NCAPG2: variants seen among roughly 807,000 people sequenced by gnomAD.
NCAPG2 encodes the protein non-SMC condensin II complex subunit G2.
In NCAPG2, 53 loss-of-function variants were observed where a neutral mutation model predicts 141.1. That is an observed-to-expected ratio of 0.38 (90% CI 0.30 to 0.47). The LOEUF (loss-of-function observed/expected upper bound fraction) is 0.47. Ranked by LOEUF, NCAPG2 falls within the 20% of genes least tolerant of loss-of-function variation. NCAPG2 has a pLI of 0.99. For synonymous variants in NCAPG2, 499 were observed against 490.7 expected (o/e 1.02, Z -0.22); for missense variants, 1,087 against 1,389.0 (o/e 0.78, Z 3.46).
intron 4 of NCAPG2, among the ~76,000 whole-genome samples, chr7:158,692,203 A>C (rs1416510597): frequency 6.6e-6 from 1 of 152,214 alleles, no homozygotes; most frequent in East Asian, 1.9e-4. Context: ...GCTACTAAGG[A>C]GGCTGAGGTG....
At chr7:158,653,259 G>A (rs575053251) in intron 22 of NCAPG2, among the ~76,000 whole-genome samples, 1 of 151,652 alleles carries the variant, frequency 6.6e-6, no homozygotes, top group Non-Finnish European at 1.5e-5. Context: ...TACTCAGGAG[G>A]CTGAGGCATG....
At chr7:158,637,577 T>TTTCCAGCTCTGGCCCACCCCATCCGAG (rs1830367684) in intron 27 of NCAPG2, among the ~76,000 whole-genome samples, 15 of 5,832 alleles carry the variant, frequency 2.6e-3, no homozygotes, top group East Asian at 0.018. Flanking sequence ...CAGCTCCGGC[T>TTTCCAGCTCTGGCCCACCCCATCCGAG]CCAGCAGCTC....
At chr7:158,644,126 G>GTT (rs1305292136) in intron 27 of NCAPG2, among the ~76,000 whole-genome samples, 163 bp downstream of exon 27, 4 of 152,218 alleles carry the variant, frequency 2.6e-5, no homozygotes, top group Non-Finnish European at 4.4e-5. Flanking sequence ...TAAATTAAAC[G>GTT]TAAGCTAAAG....
At chr7:158,650,712 A>T in intron 24 of NCAPG2, 120 bp downstream of exon 24, 1 of 1,302,438 alleles carries the variant, frequency 7.7e-7, no homozygotes, top group Non-Finnish European at 1.0e-6. Context: ...TGCACCACTC[A>T]CTCAAGTTTG....
At chr7:158,659,598 G>A (rs1236383051) in intron 16 of NCAPG2, among the ~76,000 whole-genome samples, 1 of 152,076 alleles carries the variant, frequency 6.6e-6, no homozygotes, top group Non-Finnish European at 1.5e-5. Flanking sequence ...AAAACAATAA[G>A]TAAAAGGGGG....
intron 10 of NCAPG2, 32 bp from the exon 11 acceptor site, chr7:158,680,117 C>A (rs1469115347): frequency 6.2e-7 from 1 of 1,605,206 alleles, no homozygotes; most frequent in Non-Finnish European, 8.5e-7. Context: ...ATCTCAGAAT[C>A]CCAAAGAGTT....
At chr7:158,649,474 T>G (rs1405188513) in intron 24 of NCAPG2, among the ~76,000 whole-genome samples, 2 of 152,236 alleles carry the variant, frequency 1.3e-5, no homozygotes, top group Non-Finnish European at 2.9e-5. Context: ...AATAAGACTT[T>G]ACTGATAAAA....
At chr7:158,639,532 T>C (rs568771757) in intron 27 of NCAPG2, among the ~76,000 whole-genome samples, 142 of 152,358 alleles carry the variant, frequency 9.3e-4, no homozygotes, top group African/African-American at 3.2e-3. Flanking sequence ...ACAAGCCATT[T>C]TGTTAATAAA....
chr7:158,683,362 C>G lies in NCAPG2; in HGVS notation c.862G>C (p.Asp288His). The G allele has an allele frequency of 6.2e-7, 1 of 1,605,628 alleles. No individual in the cohort carries two copies. Among genetic ancestry groups the G allele is most frequent in the Non-Finnish European group, 8.5e-7 (1 of 1,176,704 alleles). Residue 288 changes from aspartate to histidine, a missense_variant, in exon 9 of 28, where the codon GAC becomes CAC. By Grantham distance (81) the Asp-to-His change is moderately conservative. Transcript: ENST00000356309. ...LEAIENDCIQ[D>H]FMFHGIHLPR... ...AGGTGTATCCCGTGGAACATGAAGTCCTGGATGCAATCATTTTCAATCGCC... is the reference window on the plus strand; with the variant it reads ...AGGTGTATCCCGTGGAACATGAAGTGCTGGATGCAATCATTTTCAATCGCC...
chr7:158,638,785 T>TTGAGG lies in NCAPG2; in HGVS notation c.3380+5499_3380+5503dup, dbSNP rs375820884. Among the ~76,000 whole-genome samples the TTGAGG allele has an allele frequency of 4.5e-3, 688 of 152,174 alleles. 6 individuals are homozygous for TTGAGG. Among genetic ancestry groups the TTGAGG allele is most frequent in the African/African-American group, 0.016 (667 of 41,506 alleles). ...AAAAATCAGTAAAAACATAGAAAAG[T>TTGAGG]TGAGGTAACACAATTAACGAACGTG... On this transcript the variant is annotated intron_variant, in intron 27 of 27. Coordinates refer to ENST00000356309, the MANE Select transcript of NCAPG2 (RefSeq NM_017760.7).
intron 1 of NCAPG2, 176 bp from the exon 2 acceptor site, chr7:158,702,114 T>C (rs1376133030): frequency 6.4e-6 from 3 of 465,704 alleles, no homozygotes; most frequent in Admixed American, 4.3e-5. Context: ...AATTTACTTA[T>C]TTCCTTTACT....
intron 27 of NCAPG2, among the ~76,000 whole-genome samples, chr7:158,638,626 C>T (rs997140850): frequency 6.6e-6 from 1 of 152,152 alleles, no homozygotes; most frequent in Non-Finnish European, 1.5e-5. Flanking sequence ...GAACATACAG[C>T]AGTTCTAAAC....
intron 24 of NCAPG2, among the ~76,000 whole-genome samples, chr7:158,646,834 GC>G (rs1831054292): frequency 6.6e-6 from 1 of 152,030 alleles, no homozygotes; most frequent in African/African-American, 2.4e-5. Flanking sequence ...TCAAGATCAG[GC>G]TAGTCAACAT....
intron 8 of NCAPG2, among the ~76,000 whole-genome samples, 173 bp downstream of exon 8, chr7:158,685,999 C>T (rs73165344): frequency 0.051 from 7,826 of 152,292 alleles, 293 homozygotes; most frequent in Admixed American, 0.081. Flanking sequence ...CTACCTCCCA[C>T]AAACCACACA....
chr7:158,638,013 G>A (rs778136018), intron 27 of NCAPG2, among the ~76,000 whole-genome samples: 12 of 152,038 alleles, frequency 7.9e-5, no homozygotes, highest in Non-Finnish European at 1.6e-4. Flanking sequence ...GCATGGTGGC[G>A]CATGCCTGTA....
At chr7:158,645,937 A>C in intron 25 of NCAPG2, among the ~76,000 whole-genome samples, 1 of 152,240 alleles carries the variant, frequency 6.6e-6, no homozygotes, top group East Asian at 1.9e-4. Flanking sequence ...GGTGCTTTTA[A>C]AAGTTTTCAT....
chr7:158,637,149 G>T (rs964772101), intron 27 of NCAPG2, among the ~76,000 whole-genome samples: 1 of 152,032 alleles, frequency 6.6e-6, no homozygotes, highest in Non-Finnish European at 1.5e-5. Flanking sequence ...GGGTTTCACC[G>T]TGTTAGCCAG....
chr7:158,637,447 G>A lies in NCAPG2; in HGVS notation c.3381-5730C>T, dbSNP rs532138355. On this transcript the variant is annotated intron_variant, in intron 27 of 27. Transcript: ENST00000356309. ...GGGACTTTCTCCAGGTTTCCGTAAG[G>A]CCCCCCTTTCTCCAGCAGACTCTGA... Among the ~76,000 whole-genome samples the A allele has an allele frequency of 1.3e-3, 8 of 6,396 alleles. No individual in the cohort carries two copies. In the South Asian group the frequency reaches 0.044, roughly 36 times the overall value. 4.2% of individuals were successfully genotyped at this position (6,396 alleles called of 152,430 possible).
intron 2 of NCAPG2, among the ~76,000 whole-genome samples, chr7:158,694,402 G>A (rs1227368357): frequency 6.6e-6 from 1 of 152,178 alleles, no homozygotes; most frequent in Non-Finnish European, 1.5e-5. Flanking sequence ...AAACAAGTGG[G>A]TGGAAGCCTG....
Sources: allele counts gnomAD v4.1 joint callset (sites outside exome capture counted in the v4.1 genomes callset), GRCh38; gene constraint gnomAD v4.1.1; transcripts MANE v1.5; gene names NCBI Gene and HGNC (gene_info 2026-07-23, HGNC 2026-07-21).